The following STX11 variants were observed in gnomAD, a reference collection of about 807,000 sequenced individuals.
STX11 encodes syntaxin 11.
Under a neutral mutation model 19.9 loss-of-function variants are expected in STX11, and 21 were observed. That is an observed-to-expected ratio of 1.06 (90% confidence interval 0.75 to 1.52). The LOEUF (loss-of-function observed/expected upper bound fraction) is 1.52. Ranked by LOEUF, STX11 falls within the 40% of genes most tolerant of loss-of-function variation. STX11 has a pLI of 0.00. For synonymous variants in STX11, 193 were observed against 174.4 expected, an observed-to-expected ratio of 1.11 and a Z score of -0.84; for missense variants, 438 against 405.9, an observed-to-expected ratio of 1.08 and a Z score of -0.68.
chr6:144,161,623 C>G (rs1460108392), intron 1 of STX11, among the ~76,000 whole-genome samples: 2 of 152,174 alleles, frequency 1.3e-5, no homozygotes, highest in Admixed American at 1.3e-4. Flanking sequence ...CCACCTCAGC[C>G]TCCCGAAGTG....
chr6:144,178,928 G>A (rs1023112132), intron 1 of STX11, among the ~76,000 whole-genome samples: 6 of 151,782 alleles, frequency 4.0e-5, no homozygotes, highest in Admixed American at 1.3e-4. Flanking sequence ...ATGTTTTGAT[G>A]TTCAAAGAAT....
the STX11 span, among the ~76,000 whole-genome samples, chr6:144,144,847 T>A: frequency 6.6e-6 from 1 of 152,160 alleles, no homozygotes; most frequent in African/African-American, 2.4e-5. Context: ...CACACTATCA[T>A]GTGTCCTGCA....
intron 1 of STX11, among the ~76,000 whole-genome samples, chr6:144,185,153 A>T (rs1356909077): frequency 6.6e-6 from 1 of 152,222 alleles, no homozygotes; most frequent in African/African-American, 2.4e-5. Flanking sequence ...ACCATCATAG[A>T]ATAAAACTTC....
chr6:144,150,073 G>T (rs942780004), upstream of STX11, among the ~76,000 whole-genome samples: 1 of 152,184 alleles, frequency 6.6e-6, no homozygotes, highest in African/African-American at 2.4e-5. Flanking sequence ...CAGGCTCCTC[G>T]CCCGCGTCCT....
chr6:144,160,033 G>A lies in STX11; in HGVS notation c.-6+9330G>A, dbSNP rs1801293747. Reference sequence around the variant, plus strand: ...TAAAAAAATATTATGATTTTTGAGAGACTCTGTCGCCCAGGCTGGAATGAA... The same window carrying A: ...TAAAAAAATATTATGATTTTTGAGAAACTCTGTCGCCCAGGCTGGAATGAA... On this transcript the variant is annotated intron_variant, in intron 1 of 1. Transcript: ENST00000367568. This position sits in a 1 kb window ranked among gnomAD's most constrained non-coding sequence, Gnocchi z 4.3. Among the ~76,000 whole-genome samples, 1 of 152,062 alleles carries A rather than the reference G, an allele frequency of 6.6e-6. No homozygotes were observed. Among genetic ancestry groups the A allele is most frequent in the Non-Finnish European group, 1.5e-5 (1 of 67,998 alleles).
rs1175891876 is a variant in STX11, at chr6:144,187,490, A to G, written c.863A>G (p.Ter288TrpextTer41). The G allele has an allele frequency of 9.3e-6, 15 of 1,612,042 alleles. No individual in the cohort carries two copies. In the Admixed American group the frequency reaches 2.5e-4, roughly 27 times the overall value. ...TGCTTCTGCTGTCCCTGCCTCAAGT[A>G]GCAGGCCGGCCCGGGCCGCCACCGC... ...LCCFCCPCLK[*>W] Residue 288 changes from the stop codon to tryptophan, a stop_lost, in exon 2 of 2, where the codon TAG becomes TGG. Coordinates refer to ENST00000367568, the MANE Select transcript of STX11 (RefSeq NM_003764.4). This position sits in a 1 kb window ranked among gnomAD's most constrained non-coding sequence, Gnocchi z 5.6.
At chr6:144,168,783 C>T (rs1185969193) in intron 1 of STX11, among the ~76,000 whole-genome samples, 1 of 152,244 alleles carries the variant, frequency 6.6e-6, no homozygotes, top group Non-Finnish European at 1.5e-5. Context: ...TTATGCCTCT[C>T]TTCACTGCTG....
rs557273506 is a variant in STX11, at chr6:144,176,197, C to T, written c.-5-10426C>T. ...GCTCCTTAACAACACTAGCGCCTCC[C>T]GACCTAGTACCTCCCCACACTAGCG... On this transcript the variant is annotated intron_variant, in intron 1 of 1. Transcript: ENST00000367568. The surrounding 1 kb of genome is among the most constrained non-coding windows in gnomAD (Gnocchi z 4.1). Among the ~76,000 whole-genome samples, 11 of 152,134 alleles carry T rather than the reference C, an allele frequency of 7.2e-5. No individual in the cohort carries two copies. Among genetic ancestry groups the T allele is most frequent in the African/African-American group, 1.4e-4 (6 of 41,496 alleles).
At chr6:144,145,498 CA>C in the STX11 span, among the ~76,000 whole-genome samples, 1 of 152,150 alleles carries the variant, frequency 6.6e-6, no homozygotes, top group East Asian at 1.9e-4. Context: ...ATAGAATCAA[CA>C]TAAGTGTTCA....
At position 144,162,957 on chromosome 6, in the gene STX11, A is replaced by T. The variant is rs75384388; in HGVS notation, c.-6+12254A>T. 1.6e-4 allele frequency among the ~76,000 whole-genome samples: 24 copies of T among 152,284 alleles called. No homozygotes were observed. The East Asian group carries it at 3.9e-3, about 24-fold the overall frequency. The stretch of plus-strand genomic sequence containing the variant: ...AATACCTTTTGAGGTTCATTGTCTT[A>T]TTCTAGTTTGCTCAGTGCTAGGAGT... On this transcript the variant is annotated intron_variant, in intron 1 of 1. Transcript: ENST00000367568. This position sits in a 1 kb window ranked among gnomAD's most constrained non-coding sequence, Gnocchi z 4.6.
intron 1 of STX11, among the ~76,000 whole-genome samples, chr6:144,156,279 G>T (rs1310775706): frequency 1.3e-5 from 2 of 151,902 alleles, no homozygotes; most frequent in Non-Finnish European, 2.9e-5. Context: ...GGTCAGGCTG[G>T]TCTCCAACTC....
At chr6:144,171,185 C>T (rs147736532) in intron 1 of STX11, among the ~76,000 whole-genome samples, 1 of 152,106 alleles carries the variant, frequency 6.6e-6, no homozygotes, top group Non-Finnish European at 1.5e-5. Context: ...AACACTTAGC[C>T]CCCCTCCTAT....
In STX11 at chr6:144,187,059, C is replaced by G. The variant is rs149492643; in HGVS notation, c.432C>G (p.His144Gln). 1.5e-5 allele frequency: 25 copies of G among 1,613,332 alleles called. No individual in the cohort carries two copies. In the African/African-American group the frequency reaches 2.5e-4, roughly 16 times the overall value. Residue 144 changes from histidine to glutamine, a missense_variant, in exon 2 of 2, where the codon CAC becomes CAG. Transcript: ENST00000367568. This position sits in a 1 kb window ranked among gnomAD's most constrained non-coding sequence, Gnocchi z 5.6. ...CCCTCACCTTCCAGCGCGCCATGCA[C>G]GACTACAACCAGGCCGAGATGAAGC... is the stretch of plus-strand genomic sequence containing the variant. The part of the protein sequence containing the change: ...ALTLTFQRAM[H>Q]DYNQAEMKQR...
the STX11 span, among the ~76,000 whole-genome samples, chr6:144,140,238 ATATATATATATATATATT>A: frequency 2.8e-3 from 132 of 47,960 alleles, 1 homozygote; most frequent in South Asian, 0.01. Context: ...ATATATATAT[ATATATATATATATATATT>A]TATTTATTTA....
At position 144,191,881 on chromosome 6, in the gene STX11, T is replaced by C. The variant is rs1192999436; in HGVS notation, c.*4390T>C. On this transcript the variant is annotated 3_prime_UTR_variant, in exon 2 of 2. Transcript: ENST00000367568. ...ATTAAGAATGGGCAAGATGTCCTTA[T>C]ATACTAGAAGCTTTTGTAAAGTCAT... is the stretch of plus-strand genomic sequence containing the variant. 6.6e-6 allele frequency among the ~76,000 whole-genome samples: 1 copy of C among 152,262 alleles called. No individual in the cohort carries two copies. The highest frequency in any genetic ancestry group is 1.5e-5 in the Non-Finnish European group (1 of 68,046).
At position 144,186,770 on chromosome 6, in the gene STX11, T is replaced by A; in HGVS notation, c.143T>A (p.Ile48Asn). 1.2e-6 allele frequency: 2 copies of A among 1,613,978 alleles called. No individual in the cohort carries two copies. Among genetic ancestry groups the A allele is most frequent in the Non-Finnish European group, 1.7e-6 (2 of 1,180,010 alleles). ...ATCCTGGAGTCCCTGTACCGAGACA[T>A]CCGGGACATTCAGGATGAAAACCAG... ...DHILESLYRD[I>N]RDIQDENQLL... The change falls in exon 2 of 2, where the codon ATC (isoleucine) becomes AAC (asparagine). Residue 48 changes from isoleucine (I) to asparagine (N), a missense_variant. By Grantham distance (149) the Ile-to-Asn change is moderately radical. Coordinates refer to ENST00000367568, the MANE Select transcript of STX11 (RefSeq NM_003764.4).
chr6:144,188,984 C>A lies in STX11; in HGVS notation c.*1493C>A, dbSNP rs1802144398. On this transcript the variant is annotated 3_prime_UTR_variant, in exon 2 of 2. Coordinates refer to ENST00000367568, the MANE Select transcript of STX11 (RefSeq NM_003764.4). ...CTCGTGATCCGCCCGCCTCAGCCTC[C>A]CATAGTGCTGGGATTACAGGTGTGA... Among the ~76,000 whole-genome samples, 1 of 151,986 alleles carries A rather than the reference C, an allele frequency of 6.6e-6. No homozygotes were observed. Among genetic ancestry groups the A allele is most frequent in the Non-Finnish European group, 1.5e-5 (1 of 68,012 alleles).
At chr6:144,185,664 G>A (rs1247561931) in intron 1 of STX11, among the ~76,000 whole-genome samples, 1 of 152,144 alleles carries the variant, frequency 6.6e-6, no homozygotes. Context: ...GGAGTGTGTT[G>A]TAGTATTGCT....
Position 144,186,775 on chromosome 6 carries a change from G to A in STX11, c.148G>A (p.Asp50Asn), listed in dbSNP as rs1410418649. 6.2e-7 allele frequency: 1 copy of A among 1,613,928 alleles called. No individual in the cohort carries two copies. Among genetic ancestry groups the A allele is most frequent in the African/African-American group, 1.3e-5 (1 of 74,944 alleles). The part of the protein sequence containing the change: ...ILESLYRDIR[D>N]IQDENQLLVA... Reference sequence around the variant, plus strand: ...GGAGTCCCTGTACCGAGACATCCGGGACATTCAGGATGAAAACCAGCTGCT... The same window carrying A: ...GGAGTCCCTGTACCGAGACATCCGGAACATTCAGGATGAAAACCAGCTGCT... The change falls in exon 2 of 2, where the codon GAC (aspartate) becomes AAC (asparagine). Residue 50 changes from aspartate to asparagine, a missense_variant. By Grantham distance (23) the Asp-to-Asn change is conservative. Coordinates refer to ENST00000367568, the MANE Select transcript of STX11 (RefSeq NM_003764.4).
Sources: allele counts gnomAD v4.1 joint callset (sites outside exome capture counted in the v4.1 genomes callset), GRCh38; gene constraint gnomAD v4.1.1; non-coding constraint Gnocchi (gnomAD v3.1); transcripts MANE v1.5; gene names NCBI Gene and HGNC (gene_info 2026-07-23, HGNC 2026-07-21).